The following PCSK5 variants were observed in gnomAD, a reference collection of about 807,000 sequenced individuals.
PCSK5 encodes the protein prohormone convertase 5.
In PCSK5, 129 loss-of-function variants were observed where a neutral mutation model predicts 233.2. The ratio of observed to expected loss-of-function variants is 0.55; its 90% CI spans 0.48 to 0.64. The LOEUF is 0.64. Ranked by LOEUF, PCSK5 falls within the 30% of genes least tolerant of loss-of-function variation. PCSK5 has a pLI of 0.00. For synonymous variants in PCSK5, 825 were observed against 879.2 expected, an observed-to-expected ratio of 0.94 and a Z score of 1.09; for missense variants, 2,076 against 2,430.1, an observed-to-expected ratio of 0.85 and a Z score of 3.06.
In PCSK5 at chr9:76,189,100, G is replaced by A. The variant is rs756782791; in HGVS notation, c.2387G>A (p.Gly796Glu). The A allele has an allele frequency of 6.2e-7, 1 of 1,613,350 alleles. No homozygotes were observed. The highest frequency in any genetic ancestry group is 1.7e-5 in the Admixed American group (1 of 59,968). ...TGTTTGTCTTGCTTTTAAGGGGCAG[G>A]AGCTGATGGGTGCATTAACTGCACA... ...HRFCATCAGA[G>E]ADGCINCTEG... The change falls in exon 19 of 38, where the codon GGA (glycine) becomes GAA (glutamate). Residue 796 changes from glycine (G) to glutamate (E), a missense_variant. This residue lies in a region of PCSK5 where 1,510 missense variants were observed against 1,538.1 expected (regional missense o/e 0.98). Transcript: ENST00000674117.
At chr9:76,195,671 A>G (rs1824662538) in intron 20 of PCSK5, 1 of 152,192 alleles carries the variant, frequency 6.6e-6, no homozygotes, top group African/African-American at 2.4e-5. Context: ...AACCTTCTAG[A>G]GACAAAAGTC....
chr9:76,337,350 A>T (rs1476192532), intron 34 of PCSK5, among the ~76,000 whole-genome samples: 1 of 151,506 alleles, frequency 6.6e-6, no homozygotes, highest in Admixed American at 6.6e-5. Context: ...TTGTATTTTT[A>T]GTAGAGATGA....
chr9:75,966,176 A>G (rs1326014928), intron 2 of PCSK5, among the ~76,000 whole-genome samples: 1 of 152,010 alleles, frequency 6.6e-6, no homozygotes, highest in African/African-American at 2.4e-5. Flanking sequence ...ACTAACCTAT[A>G]CTGAGGCAGG....
chr9:75,999,857 A>T (rs186908989), intron 3 of PCSK5, among the ~76,000 whole-genome samples: 1 of 152,360 alleles, frequency 6.6e-6, no homozygotes, highest in Non-Finnish European at 1.5e-5. Flanking sequence ...TTTAGGACAT[A>T]GGCATGGGCA....
Position 76,188,632 on chromosome 9 carries a change from C to T in PCSK5, c.2337C>T (p.Gly779=), listed in dbSNP as rs1409406522. Reference sequence around the variant, plus strand: ...GTGAAGATGGACGGTATTTCAACGGCCAGGACTGCCAGCCCTGCCACCGCT... The same window carrying T: ...GTGAAGATGGACGGTATTTCAACGGTCAGGACTGCCAGCCCTGCCACCGCT... ...VSCEDGRYFN[G]QDCQPCHRFC... is the part of the protein sequence containing the mutation. Residue 779 remains glycine (G), a synonymous_variant, in exon 18 of 38, where the codon GGC becomes GGT. Transcript: ENST00000674117. The T allele has an allele frequency of 3.1e-6, 5 of 1,613,674 alleles. No homozygotes were observed. In the African/African-American group the frequency reaches 5.3e-5, roughly 17 times the overall value.
At chr9:76,244,649 C>A (rs915911723) in intron 24 of PCSK5, among the ~76,000 whole-genome samples, 1 of 50,218 alleles carries the variant, frequency 2.0e-5, no homozygotes, top group Non-Finnish European at 4.5e-5. Context: ...ACAAAAAAAA[C>A]CCTCAAATTC....
intron 5 of PCSK5, among the ~76,000 whole-genome samples, chr9:76,044,415 T>A (rs1462765589): frequency 1.3e-5 from 2 of 152,234 alleles, no homozygotes; most frequent in Non-Finnish European, 2.9e-5. Flanking sequence ...AGTGTGCCTG[T>A]GCAGGACGAT....
At chr9:75,908,731 A>G (rs1337964129) in intron 1 of PCSK5, among the ~76,000 whole-genome samples, 4 of 152,134 alleles carry the variant, frequency 2.6e-5, no homozygotes, top group Admixed American at 1.3e-4. Flanking sequence ...GAAACTTCCT[A>G]TGGCTAAAAC....
At chr9:76,276,087 C>T (rs184534794) in intron 24 of PCSK5, among the ~76,000 whole-genome samples, 249 of 152,266 alleles carry the variant, frequency 1.6e-3, no homozygotes, top group African/African-American at 5.3e-3. Flanking sequence ...CATTCCCTCA[C>T]CCCACACATC....
At chr9:76,311,583 A>C (rs571325185) in intron 30 of PCSK5, among the ~76,000 whole-genome samples, 4 of 152,128 alleles carry the variant, frequency 2.6e-5, no homozygotes, top group African/African-American at 9.6e-5. Flanking sequence ...CAATAGTCCC[A>C]CCTCCAGAAT....
chr9:75,994,250 A>T (rs1016428566), intron 3 of PCSK5, among the ~76,000 whole-genome samples: 1 of 151,992 alleles, frequency 6.6e-6, no homozygotes, highest in African/African-American at 2.4e-5. Flanking sequence ...TCCACCACCA[A>T]GTCAAAGCTA....
intron 5 of PCSK5, among the ~76,000 whole-genome samples, chr9:76,029,681 T>C (rs1828574963): frequency 6.6e-6 from 1 of 152,132 alleles, no homozygotes; most frequent in Non-Finnish European, 1.5e-5. Flanking sequence ...TACCTATGAG[T>C]TGGGTAAATT....
chr9:76,269,413 A>C (rs10521469), intron 24 of PCSK5, among the ~76,000 whole-genome samples: 22 of 152,128 alleles, frequency 1.4e-4, no homozygotes, highest in African/African-American at 4.3e-4. Flanking sequence ...TAAGAATTGC[A>C]CCGATCACTC....
intron 13 of PCSK5, among the ~76,000 whole-genome samples, chr9:76,173,190 A>G (rs1329145329): frequency 1.3e-5 from 2 of 152,174 alleles, no homozygotes; most frequent in Non-Finnish European, 2.9e-5. Context: ...AAAACTTACA[A>G]ATCACTTAGA....
At chr9:76,246,532 C>T (rs1277933106) in intron 24 of PCSK5, among the ~76,000 whole-genome samples, 1 of 152,050 alleles carries the variant, frequency 6.6e-6, no homozygotes, top group African/African-American at 2.4e-5. Context: ...TATAACACAA[C>T]TCCATATGCA....
chr9:76,179,128 A>G (rs1011001935), intron 14 of PCSK5, among the ~76,000 whole-genome samples: 4 of 152,216 alleles, frequency 2.6e-5, no homozygotes, highest in African/African-American at 4.8e-5. Flanking sequence ...TCCTGGCCAC[A>G]GTATTTCAGA....
intron 5 of PCSK5, among the ~76,000 whole-genome samples, chr9:76,042,936 G>T (rs966567200): frequency 2.0e-5 from 3 of 152,170 alleles, no homozygotes; most frequent in Non-Finnish European, 4.4e-5. Context: ...TATCACTGTG[G>T]GTTGGACTGT....
chr9:76,060,550 G>T (rs1028484053), intron 5 of PCSK5, among the ~76,000 whole-genome samples: 1 of 152,116 alleles, frequency 6.6e-6, no homozygotes, highest in Admixed American at 6.6e-5. Context: ...AAGAAGTTCT[G>T]TGCTGTTCAG....
At chr9:75,996,175 C>T (rs1261343753) in intron 3 of PCSK5, among the ~76,000 whole-genome samples, 1 of 152,080 alleles carries the variant, frequency 6.6e-6, no homozygotes, top group Non-Finnish European at 1.5e-5. Flanking sequence ...CAGGTGTGGT[C>T]TGTATTTGTT....
Sources: allele counts gnomAD v4.1 joint callset (sites outside exome capture counted in the v4.1 genomes callset), GRCh38; gene constraint gnomAD v4.1.1; regional missense constraint gnomAD v4.1.1; transcripts MANE v1.5; gene names NCBI Gene and HGNC (gene_info 2026-07-23, HGNC 2026-07-21).